Variants in PEMT observed in about 807,000 individuals in gnomAD.
The protein encoded by PEMT is phospholipid methyltransferase.
Under a neutral mutation model 27.4 loss-of-function variants are expected in PEMT, and 23 were observed. That is an observed-to-expected ratio of 0.84 (90% confidence interval 0.60 to 1.19). PEMT has a LOEUF of 1.19. PEMT is among the 50% of genes most tolerant of loss of function. The pLI is 0.00. For synonymous variants in PEMT, 137 were observed against 139.1 expected, an observed-to-expected ratio of 0.98 and a Z score of 0.11; for missense variants, 307 against 310.1, an observed-to-expected ratio of 0.99 and a Z score of 0.07.
intron 2 of PEMT, among the ~76,000 whole-genome samples, chr17:17,550,537 C>A (rs532989718): frequency 6.6e-6 from 1 of 152,342 alleles, no homozygotes; most frequent in East Asian, 1.9e-4. Context: ...CCACACAGTT[C>A]AAAACCAAAC....
intron 2 of PEMT, among the ~76,000 whole-genome samples, chr17:17,538,196 A>G (rs573458270): frequency 6.6e-6 from 1 of 152,342 alleles, no homozygotes; most frequent in African/African-American, 2.4e-5. Context: ...GCCCAACTGG[A>G]CAGGGAGGCA....
intron 2 of PEMT, among the ~76,000 whole-genome samples, chr17:17,562,041 G>C (rs1469553807): frequency 3.3e-5 from 5 of 152,238 alleles, no homozygotes; most frequent in Admixed American, 3.3e-4. Context: ...CTGCCAGCAA[G>C]GCTGGCGTTC....
chr17:17,575,153 T>C (rs1464942754), intron 2 of PEMT, among the ~76,000 whole-genome samples: 1 of 152,210 alleles, frequency 6.6e-6, no homozygotes, highest in Non-Finnish European at 1.5e-5. Context: ...CTCCATTTTT[T>C]GCTTCTTCCA....
Position 17,577,583 on chromosome 17 carries a change from A to G in PEMT, c.97-556T>C, listed in dbSNP as rs1258814880. The G allele has an allele frequency of 8.0e-6, 7 of 878,350 alleles. No homozygotes were observed. In the South Asian group the frequency reaches 2.1e-4, roughly 26 times the overall value. The allele number at this position is 878,350 out of a possible 1,614,324, so 54.4% of individuals were successfully genotyped here. A position where few individuals can be genotyped will look rare whatever the true frequency, so the allele number is the denominator to read the frequency against. ...ACCCGCATACGGGGGGCACGTGGAC[A>G]CTGCCCCCGCCCCGCCATCATCTTG... On this transcript the variant is annotated intron_variant, in intron 1 of 6. Transcript: ENST00000255389.
intron 4 of PEMT, among the ~76,000 whole-genome samples, chr17:17,511,656 C>A (rs915044374): frequency 6.6e-6 from 1 of 152,338 alleles, no homozygotes; most frequent in African/African-American, 2.4e-5. Context: ...GGGAGGAAGA[C>A]GTGGGCCTTC....
intron 2 of PEMT, among the ~76,000 whole-genome samples, chr17:17,556,780 G>A (rs1390095469): frequency 1.3e-5 from 2 of 152,216 alleles, no homozygotes; most frequent in Non-Finnish European, 2.9e-5. Context: ...GGACTGAGAG[G>A]AAGGTTAAAA....
In PEMT at chr17:17,513,372, G is replaced by A. The variant is rs575648979; in HGVS notation, c.321-718C>T. Among the ~76,000 whole-genome samples the A allele has an allele frequency of 3.9e-5, 6 of 152,284 alleles. No homozygotes were observed. The highest frequency in any genetic ancestry group is 2.1e-4 in the South Asian group (1 of 4,822). On this transcript the variant is annotated intron_variant, in intron 3 of 6. Transcript: ENST00000255389. This position sits in a 1 kb window ranked among gnomAD's most constrained non-coding sequence, Gnocchi z 4.1. ...AGCACTTTGGGAGGCCGAGGTGGGCGGGTCACCTGAGGTCAGGAGTTCAAG... is the reference window on the plus strand; with the variant it reads ...AGCACTTTGGGAGGCCGAGGTGGGCAGGTCACCTGAGGTCAGGAGTTCAAG...
In PEMT at chr17:17,516,920, G is replaced by A. The variant is rs70963022; in HGVS notation, c.321-4266C>T. ...GCACCTGCCTCGAGGAAATCACTCT[G>A]GTGAAGGGATTTCACAAATAGAATT... On this transcript the variant is annotated intron_variant, in intron 3 of 6. Transcript: ENST00000255389. 4.2e-3 allele frequency among the ~76,000 whole-genome samples: 641 copies of A among 152,254 alleles called. 5 individuals are homozygous for A. The highest frequency in any genetic ancestry group is 0.015 in the African/African-American group (611 of 41,548).
At chr17:17,550,740 G>A (rs1909603160) in intron 2 of PEMT, among the ~76,000 whole-genome samples, 1 of 152,156 alleles carries the variant, frequency 6.6e-6, no homozygotes, top group African/African-American at 2.4e-5. Context: ...TGGACAGGAC[G>A]CCGTTCCATC....
At chr17:17,555,731 C>T (rs553061406) in intron 2 of PEMT, among the ~76,000 whole-genome samples, 11 of 152,306 alleles carry the variant, frequency 7.2e-5, no homozygotes, top group Admixed American at 2.0e-4. Flanking sequence ...CATCCCAGGG[C>T]CCAGCCAGCC....
At chr17:17,558,100 G>A (rs1462933538) in intron 2 of PEMT, among the ~76,000 whole-genome samples, 1 of 152,208 alleles carries the variant, frequency 6.6e-6, no homozygotes, top group Non-Finnish European at 1.5e-5. Flanking sequence ...CCAGCACTTT[G>A]GGAGGGTGAG....
At chr17:17,568,293 ACGAC>A (rs2142717657) in intron 2 of PEMT, among the ~76,000 whole-genome samples, 1 of 152,114 alleles carries the variant, frequency 6.6e-6, no homozygotes, top group East Asian at 1.9e-4. Context: ...TCCAGCCCCC[ACGAC>A]CCTGTCTCCC....
At chr17:17,591,888 C>G, upstream of PEMT, 1 of 985,480 alleles carries the variant, frequency 1.0e-6, no homozygotes, top group Non-Finnish European at 1.2e-6. Flanking sequence ...GCTGCAGCTA[C>G]GTAGCAGTAT....
intron 2 of PEMT, among the ~76,000 whole-genome samples, chr17:17,528,159 C>T (rs1338901294): frequency 6.6e-6 from 1 of 152,232 alleles, no homozygotes; most frequent in Non-Finnish European, 1.5e-5. Context: ...GGGCCGTGCG[C>T]CAGCACAGAG....
intron 2 of PEMT, among the ~76,000 whole-genome samples, chr17:17,551,467 G>A (rs143575083): frequency 3.3e-4 from 51 of 152,342 alleles, no homozygotes; most frequent in Middle Eastern, 6.8e-3. Context: ...AAGCTGGCGC[G>A]GGCTTGCAGG....
intron 2 of PEMT, among the ~76,000 whole-genome samples, chr17:17,560,582 G>C (rs1910404931): frequency 6.6e-6 from 1 of 152,206 alleles, no homozygotes; most frequent in Non-Finnish European, 1.5e-5. Flanking sequence ...GGAGGGGTTA[G>C]AGAACCGGGA....
intron 1 of PEMT, among the ~76,000 whole-genome samples, chr17:17,586,168 AAG>A (rs1316978404): frequency 1.3e-5 from 2 of 150,074 alleles, no homozygotes. Context: ...GAAAGAGAAA[AAG>A]AAAGAAAGAA....
chr17:17,534,841 T>C (rs1908343701), intron 2 of PEMT, among the ~76,000 whole-genome samples: 1 of 152,104 alleles, frequency 6.6e-6, no homozygotes, highest in African/African-American at 2.4e-5. Flanking sequence ...GCAACTCAAA[T>C]TGTATGCTTC....
At chr17:17,511,417 C>G (rs747869350) in intron 4 of PEMT, among the ~76,000 whole-genome samples, 4 of 152,250 alleles carry the variant, frequency 2.6e-5, no homozygotes, top group Admixed American at 6.5e-5. Flanking sequence ...ATGCCACTTC[C>G]TCCCTCGGGG....
Sources: allele counts gnomAD v4.1 joint callset (sites outside exome capture counted in the v4.1 genomes callset), GRCh38; gene constraint gnomAD v4.1.1; non-coding constraint Gnocchi (gnomAD v3.1); transcripts MANE v1.5; gene names NCBI Gene and HGNC (gene_info 2026-07-23, HGNC 2026-07-21).